SLC71A2: variants seen among roughly 807,000 people sequenced by gnomAD.
SLC71A2 encodes the protein hippocampus abundant transcript-like 1.
At chr9:94,383,456 T>C in the SLC71A2 span, among the ~76,000 whole-genome samples, 2 of 152,172 alleles carry the variant, frequency 1.3e-5, no homozygotes, top group Non-Finnish European at 2.9e-5. Context: ...CCACCATGCC[T>C]GGTCTACTTT....
chr9:94,393,983 G>A, the SLC71A2 span, among the ~76,000 whole-genome samples: 3 of 126,696 alleles, frequency 2.4e-5, no homozygotes, highest in African/African-American at 9.3e-5. Flanking sequence ...TGAATCGTTT[G>A]GAGTTGAGTA....
the SLC71A2 span, among the ~76,000 whole-genome samples, chr9:94,413,207 G>A: frequency 6.6e-6 from 1 of 151,896 alleles, no homozygotes; most frequent in South Asian, 2.1e-4. Flanking sequence ...TAAATGCAGT[G>A]TTAAATCTTT....
chr9:94,411,202 T>A, the SLC71A2 span, among the ~76,000 whole-genome samples: 4 of 148,394 alleles, frequency 2.7e-5, no homozygotes, highest in East Asian at 7.8e-4. Context: ...TTTTTGTGGT[T>A]ACCTTTACAT....
the SLC71A2 span, among the ~76,000 whole-genome samples, chr9:94,445,489 G>C: frequency 6.6e-6 from 1 of 152,092 alleles, no homozygotes; most frequent in African/African-American, 2.4e-5. Flanking sequence ...AAGTGAAAGT[G>C]GTCATTTGAA....
chr9:94,434,763 C>A, the SLC71A2 span, among the ~76,000 whole-genome samples: 2 of 152,160 alleles, frequency 1.3e-5, no homozygotes. Context: ...TTAATAATGG[C>A]AAACTTTCTA....
the SLC71A2 span, among the ~76,000 whole-genome samples, chr9:94,384,363 GTC>G: frequency 6.8e-6 from 1 of 146,912 alleles, no homozygotes; most frequent in East Asian, 2.0e-4. Flanking sequence ...TGGACACATG[GTC>G]TCTCTCTCTG....
the SLC71A2 span, among the ~76,000 whole-genome samples, chr9:94,435,697 C>G: frequency 6.9e-6 from 1 of 145,374 alleles, no homozygotes; most frequent in Non-Finnish European, 1.5e-5. Flanking sequence ...TCTTGTTGCC[C>G]AGGCTGGAGT....
the SLC71A2 span, among the ~76,000 whole-genome samples, chr9:94,457,157 G>C: frequency 6.6e-6 from 1 of 152,046 alleles, no homozygotes; most frequent in African/African-American, 2.4e-5. Context: ...GTGGAGATGG[G>C]GTTTCGCCAT....
chr9:94,442,898 TG>T, the SLC71A2 span, among the ~76,000 whole-genome samples: 1 of 150,258 alleles, frequency 6.7e-6, no homozygotes, highest in Non-Finnish European at 1.5e-5. Flanking sequence ...CCCCCCGCCC[TG>T]CCAAAAAAAA....
the SLC71A2 span, among the ~76,000 whole-genome samples, chr9:94,401,193 C>T: frequency 1.3e-5 from 2 of 151,452 alleles, no homozygotes; most frequent in African/African-American, 2.4e-5. Flanking sequence ...GTTTTTGAAA[C>T]GGAGTCTCAC....
At chr9:94,382,190 C>G in the SLC71A2 span, among the ~76,000 whole-genome samples, 1 of 151,824 alleles carries the variant, frequency 6.6e-6, no homozygotes, top group Non-Finnish European at 1.5e-5. Flanking sequence ...CCATACCCAG[C>G]TAATTTTTTA....
the SLC71A2 span, among the ~76,000 whole-genome samples, chr9:94,450,493 C>CTTTTT: frequency 1.9e-4 from 19 of 102,020 alleles, 2 homozygotes; most frequent in African/African-American, 3.4e-4. Flanking sequence ...AATAATGTAA[C>CTTTTT]TTTTTTTTTT....
chr9:94,422,456 A>G, the SLC71A2 span, among the ~76,000 whole-genome samples: 1 of 152,200 alleles, frequency 6.6e-6, no homozygotes, highest in African/African-American at 2.4e-5. Context: ...TGCCTATTAC[A>G]AATATTGCTG....
At chr9:94,456,143 AAAC>A in the SLC71A2 span, 1 of 748,492 alleles carries the variant, frequency 1.3e-6, no homozygotes, top group South Asian at 1.9e-5. Flanking sequence ...TAACAGGAGA[AAAC>A]AAGGCATTTG....
At chr9:94,441,083 G>T in the SLC71A2 span, 52 of 1,598,132 alleles carry the variant, frequency 3.3e-5, 1 homozygote, top group South Asian at 5.5e-4. Context: ...CACGAGCGAA[G>T]TACAGCTTAT....
At chr9:94,459,396 A>G in the SLC71A2 span, 1 of 1,613,858 alleles carries the variant, frequency 6.2e-7, no homozygotes, top group East Asian at 2.2e-5. Flanking sequence ...CCTGGGAATC[A>G]GTGCACTGAG....
the SLC71A2 span, among the ~76,000 whole-genome samples, chr9:94,436,441 T>C: frequency 2.0e-5 from 3 of 152,372 alleles, no homozygotes; most frequent in South Asian, 4.1e-4. Flanking sequence ...AGAACCCAGA[T>C]GACACTGTAT....
the SLC71A2 span, among the ~76,000 whole-genome samples, chr9:94,414,922 T>C: frequency 6.6e-6 from 1 of 152,144 alleles, no homozygotes; most frequent in Non-Finnish European, 1.5e-5. Context: ...CCTCCCAAAG[T>C]GCTGAGATTA....
At chr9:94,450,862 C>T in the SLC71A2 span, among the ~76,000 whole-genome samples, 5 of 152,278 alleles carry the variant, frequency 3.3e-5, no homozygotes, top group South Asian at 6.2e-4. Context: ...GATACTGTTA[C>T]GGTCAGAGGC....
Sources: gnomAD v4.1 joint callset for allele counts (sites outside exome capture counted in the v4.1 genomes callset) on GRCh38, gnomAD v4.1.1 for gene constraint, MANE v1.5 for transcripts, NCBI Gene and HGNC (gene_info 2026-07-23, HGNC 2026-07-21) for gene names.